Variants in GLI3 observed in about 807,000 individuals in gnomAD.
GLI3 encodes the protein transcription activator GLI3.
In GLI3, 20 loss-of-function variants were observed where a neutral mutation model predicts 100.8. The observed-to-expected ratio is 0.20, with a 90% CI of 0.14 to 0.29. The LOEUF is 0.29. Ranked by LOEUF, GLI3 falls within the 10% of genes least tolerant of loss-of-function variation. The pLI is 1.00. For synonymous variants in GLI3, 938 were observed against 860.5 expected (o/e 1.09, Z -1.58); for missense variants, 2,040 against 2,128.5 (o/e 0.96, Z 0.82).
chr7:41,993,270 C>T (rs1583766814), intron 10 of GLI3, among the ~76,000 whole-genome samples: 1 of 152,326 alleles, frequency 6.6e-6, no homozygotes, highest in Non-Finnish European at 1.5e-5. Context: ...CCTCCAGAGG[C>T]TGGCAACATA....
At chr7:42,071,115 G>A (rs976418239) in intron 4 of GLI3, among the ~76,000 whole-genome samples, 1 of 152,178 alleles carries the variant, frequency 6.6e-6, no homozygotes, top group Admixed American at 6.5e-5. Flanking sequence ...GCTACCATAT[G>A]TAGAGCATGG....
At chr7:42,216,978 G>T (rs1788390167) in intron 2 of GLI3, among the ~76,000 whole-genome samples, 1 of 152,214 alleles carries the variant, frequency 6.6e-6, no homozygotes, top group Non-Finnish European at 1.5e-5. Context: ...TCTACAAGTA[G>T]CTGGGAGTCA....
chr7:42,075,075 C>T (rs551641439), intron 4 of GLI3, among the ~76,000 whole-genome samples: 119 of 152,246 alleles, frequency 7.8e-4, no homozygotes, highest in African/African-American at 2.7e-3. Flanking sequence ...GGGCCTAGAA[C>T]ACACAGTGGG....
At chr7:42,028,446 C>T (rs769039450) in intron 7 of GLI3, among the ~76,000 whole-genome samples, 7 of 152,082 alleles carry the variant, frequency 4.6e-5, no homozygotes, top group East Asian at 1.9e-4. Flanking sequence ...CATTCACAGA[C>T]GGATAAGGGA....
intron 2 of GLI3, among the ~76,000 whole-genome samples, chr7:42,213,610 G>A (rs1209902329): frequency 6.6e-6 from 1 of 152,206 alleles, no homozygotes; most frequent in Non-Finnish European, 1.5e-5. Context: ...GCAGCTCTGA[G>A]TCCATTCAAT....
At position 41,961,179 on chromosome 7, in the gene GLI3, C is replaced by CA; in HGVS notation, c.*3150_*3151insT. On this transcript the variant is annotated 3_prime_UTR_variant, in exon 15 of 15. Coordinates refer to ENST00000395925, the MANE Select transcript of GLI3 (RefSeq NM_000168.6). ...TACTTAAATGTATTTACATGTGTTTCTTTTAAAAAAAGGATTACACATTTT... is the reference window on the plus strand; with the variant it reads ...TACTTAAATGTATTTACATGTGTTTCATTTTAAAAAAAGGATTACACATTTT... The CA allele has an allele frequency of 6.6e-6, 1 of 152,164 alleles. No homozygotes were observed. Among genetic ancestry groups the CA allele is most frequent in the African/African-American group, 2.4e-5 (1 of 41,302 alleles). 9.4% of individuals were successfully genotyped at this position (152,164 alleles called of 1,614,324 possible).
intron 4 of GLI3, among the ~76,000 whole-genome samples, chr7:42,067,574 T>C (rs924251518): frequency 7.2e-5 from 11 of 152,196 alleles, no homozygotes; most frequent in African/African-American, 2.7e-4. Context: ...CTGTTTCATG[T>C]GTAACTTGTT....
Position 41,966,566 on chromosome 7 carries a change from A to T in GLI3, c.2507T>A (p.Val836Glu), listed in dbSNP as rs761055361. 6 of 1,613,926 alleles carry T rather than the reference A, an allele frequency of 3.7e-6. No individual in the cohort carries two copies. The highest frequency in any genetic ancestry group is 5.1e-6 in the Non-Finnish European group (6 of 1,179,992). The part of the protein sequence containing the change: ...LLPGRSDLSG[V>E]DVTMLNMLNR... ...GAGCATGTTCAGCATAGTGACGTCC[A>T]CCCCAGAGAGGTCGCTTCTGCCCGG... Residue 836 changes from valine to glutamate, a missense_variant, in exon 15 of 15, where the codon GTG becomes GAG. Coordinates refer to ENST00000395925, the MANE Select transcript of GLI3 (RefSeq NM_000168.6). The surrounding 1 kb of genome is among the most constrained non-coding windows in gnomAD (Gnocchi z 5.8).
intron 2 of GLI3, among the ~76,000 whole-genome samples, chr7:42,171,401 C>T (rs1005766238): frequency 5.9e-5 from 9 of 152,196 alleles, no homozygotes; most frequent in African/African-American, 2.2e-4. Flanking sequence ...ACTCCCACAT[C>T]ACTATGTTTA....
rs1043144793 is a variant in GLI3, at chr7:41,965,435, T to G, written c.3638A>C (p.Tyr1213Ser). The G allele has an allele frequency of 1.2e-6, 2 of 1,607,660 alleles. No homozygotes were observed. The highest frequency in any genetic ancestry group is 1.3e-5 in the African/African-American group (1 of 74,954). The change falls in exon 15 of 15, where the codon TAT (tyrosine) becomes TCT (serine). Residue 1213 changes from tyrosine (Y) to serine (S), a missense_variant. Transcript: ENST00000395925. Reference sequence around the variant, plus strand: ...GTTGCTGTTCTCCCCGAGGGTCTGATAGCCCCCAGCAGGCCCGCTCCTCAA... The same window carrying G: ...GTTGCTGTTCTCCCCGAGGGTCTGAGAGCCCCCAGCAGGCCCGCTCCTCAA... ...NPLRSGPAGGYQTLGENSNPY... is the reference protein window; with the variant it reads ...NPLRSGPAGGSQTLGENSNPY...
chr7:42,013,983 C>A (rs1239851597), intron 10 of GLI3, among the ~76,000 whole-genome samples: 1 of 152,202 alleles, frequency 6.6e-6, no homozygotes, highest in Non-Finnish European at 1.5e-5. Context: ...TGCAGAACAT[C>A]CACATCAGCT....
In GLI3 at chr7:41,961,197, C is replaced by A. The variant is rs1178791318; in HGVS notation, c.*3133G>T. On this transcript the variant is annotated 3_prime_UTR_variant, in exon 15 of 15. Transcript: ENST00000395925. ...TGTGTTTCTTTTAAAAAAAGGATTA[C>A]ACATTTTATTTTTTAAAAAAATCTA... 6.6e-6 allele frequency: 1 copy of A among 152,474 alleles called. No homozygotes were observed. Among genetic ancestry groups the A allele is most frequent in the East Asian group, 1.9e-4 (1 of 5,190 alleles). 9.4% of individuals were successfully genotyped at this position (152,474 alleles called of 1,614,324 possible).
Position 41,967,716 on chromosome 7 carries a change from C to T in GLI3, c.2311G>A (p.Gly771Arg), listed in dbSNP as rs1787226810. 1 of 1,614,092 alleles carries T rather than the reference C, an allele frequency of 6.2e-7. No homozygotes were observed. The highest frequency in any genetic ancestry group is 1.3e-5 in the African/African-American group (1 of 74,936). ...TTTACGTGCTCCATCCATTTGGTCCCTGCCGGGTTTCTCCTGGCTTGCAAA... is the reference window on the plus strand; with the variant it reads ...TTTACGTGCTCCATCCATTTGGTCCTTGCCGGGTTTCTCCTGGCTTGCAAA... ...LALQARRNPA[G>R]TKWMEHVKLE... is the part of the protein sequence containing the mutation. Residue 771 changes from glycine to arginine, a missense_variant, in exon 14 of 15, where the codon GGG (glycine) becomes AGG (arginine). Physicochemically the swap from Gly to Arg is moderately radical, Grantham distance 125 (BLOSUM62 -2). Transcript: ENST00000395925.
chr7:42,223,991 T>C (rs1788538548), intron 1 of GLI3, among the ~76,000 whole-genome samples: 1 of 152,234 alleles, frequency 6.6e-6, no homozygotes, highest in Admixed American at 6.5e-5. Flanking sequence ...CATGGAAAAG[T>C]TGAAAGGTGC....
chr7:41,999,657 A>G (rs903416435), intron 10 of GLI3, among the ~76,000 whole-genome samples: 4 of 152,190 alleles, frequency 2.6e-5, no homozygotes, highest in Admixed American at 6.5e-5. Flanking sequence ...TGGTCCTGCT[A>G]CACATGACTA....
In GLI3 at chr7:42,223,209, T is replaced by C. The variant is rs1395531508; in HGVS notation, c.45A>G (p.Lys15=). 1.9e-6 allele frequency: 3 copies of C among 1,613,752 alleles called. No homozygotes were observed. The highest frequency in any genetic ancestry group is 1.7e-5 in the Admixed American group (1 of 59,986). The change falls in exon 2 of 15, where the codon AAA becomes AAG. Residue 15 remains lysine, a synonymous_variant. Transcript: ENST00000395925. The part of the protein sequence containing the change: ...SHSSTTTEKK[K]VENSIVKCST... ...AGCACTTCACTATGGAATTCTCAAC[T>C]TTTTTCTTTTCAGTGGTCGTGGAGC...
intron 2 of GLI3, among the ~76,000 whole-genome samples, chr7:42,183,168 G>A (rs1787651368): frequency 6.6e-6 from 1 of 152,160 alleles, no homozygotes; most frequent in Admixed American, 6.5e-5. Flanking sequence ...AGGTTGCAGT[G>A]AGCCGAGATT....
intron 3 of GLI3, among the ~76,000 whole-genome samples, chr7:42,101,132 A>T (rs931842363): frequency 1.3e-5 from 2 of 152,172 alleles, no homozygotes; most frequent in African/African-American, 2.4e-5. Context: ...GTAAATATTG[A>T]CAAGAAACAA....
chr7:42,054,270 T>G (rs1392731246), intron 4 of GLI3, among the ~76,000 whole-genome samples: 2 of 152,232 alleles, frequency 1.3e-5, no homozygotes, highest in Non-Finnish European at 2.9e-5. Flanking sequence ...TGAGTTAGAA[T>G]GAAATATTAT....
Sources: allele counts gnomAD v4.1 joint callset (sites outside exome capture counted in the v4.1 genomes callset), GRCh38; gene constraint gnomAD v4.1.1; non-coding constraint Gnocchi (gnomAD v3.1); transcripts MANE v1.5; gene names NCBI Gene and HGNC (gene_info 2026-07-23, HGNC 2026-07-21).